Variants in FGD4 observed in about 807,000 individuals in gnomAD.
FGD4 encodes the protein FYVE, RhoGEF and PH domain-containing protein 4.
A neutral mutation model predicts 102.0 loss-of-function variants in FGD4; 42 were observed. The observed-to-expected ratio is 0.41, with a 90% CI of 0.32 to 0.53. FGD4 has a LOEUF of 0.53. FGD4 is among the 20% of genes least tolerant of loss of function. FGD4 has a pLI of 0.21. For synonymous variants in FGD4, 380 were observed against 375.7 expected (o/e 1.01, Z -0.13); for missense variants, 902 against 1,078.2 (o/e 0.84, Z 2.29).
In FGD4 at chr12:32,539,556, C is replaced by T. The variant is rs373748616; in HGVS notation, c.167-24581C>T. On this transcript the variant is annotated intron_variant, in intron 1 of 16. Transcript: ENST00000534526. ...TGCACTCCAGCCTGGGCAACAAGAG[C>T]GAAACTCTGTCTCAGGGGGGAAAAA... is the stretch of plus-strand genomic sequence containing the variant. Among the ~76,000 whole-genome samples the T allele has an allele frequency of 7.6e-5, 11 of 144,278 alleles. No homozygotes were observed. In the East Asian group the frequency reaches 9.8e-4, roughly 13 times the overall value. The allele number at this position is 144,278 out of a possible 152,430, so 94.7% of individuals were successfully genotyped here. A position where few individuals can be genotyped will look rare whatever the true frequency, so the allele number is the denominator to read the frequency against.
At chr12:32,620,520 C>CTTTTTTTTTT (rs1233071153) in intron 11 of FGD4, among the ~76,000 whole-genome samples, 6 of 91,134 alleles carry the variant, frequency 6.6e-5, no homozygotes, top group South Asian at 4.1e-4. Flanking sequence ...TTTTTTCTTT[C>CTTTTTTTTTT]TTTTTTTTTT....
intron 1 of FGD4, among the ~76,000 whole-genome samples, chr12:32,417,798 C>T (rs1941476924): frequency 6.6e-6 from 1 of 151,910 alleles, no homozygotes; most frequent in African/African-American, 2.4e-5. Flanking sequence ...TTAGTTATTT[C>T]AGTCTCTTTG....
At chr12:32,440,454 T>A (rs1374847417) in intron 1 of FGD4, among the ~76,000 whole-genome samples, 2 of 152,152 alleles carry the variant, frequency 1.3e-5, no homozygotes, top group African/African-American at 4.8e-5. Context: ...ATTATCTGGA[T>A]CACCGGGCAG....
At chr12:32,404,337 A>G (rs942887681) in intron 1 of FGD4, among the ~76,000 whole-genome samples, 3 of 151,826 alleles carry the variant, frequency 2.0e-5, no homozygotes, top group African/African-American at 7.3e-5. Flanking sequence ...GAACTTCTAG[A>G]GTACTAATTT....
intron 11 of FGD4, among the ~76,000 whole-genome samples, 174 bp downstream of exon 11, chr12:32,620,044 C>T (rs1949710616): frequency 6.6e-6 from 1 of 152,194 alleles, no homozygotes; most frequent in East Asian, 1.9e-4. Flanking sequence ...TGTCTCCCCT[C>T]TCTTGATTCC....
At chr12:32,410,531 T>A (rs924089131) in intron 1 of FGD4, among the ~76,000 whole-genome samples, 2 of 152,166 alleles carry the variant, frequency 1.3e-5, no homozygotes, top group Non-Finnish European at 2.9e-5. Context: ...GGGCATTGTC[T>A]TGAATTTGTC....
chr12:32,549,966 C>T (rs1875059), intron 1 of FGD4, among the ~76,000 whole-genome samples: 7,719 of 152,310 alleles, frequency 0.051, 219 homozygotes, highest in Middle Eastern at 0.11. Context: ...CCCCTCGGCA[C>T]GGCCTTACTT....
chr12:32,488,894 G>A (rs1002469469), intron 1 of FGD4, among the ~76,000 whole-genome samples: 5 of 152,108 alleles, frequency 3.3e-5, no homozygotes, highest in Non-Finnish European at 7.4e-5. Flanking sequence ...AGCCGAGATC[G>A]CACCATTGCA....
intron 1 of FGD4, among the ~76,000 whole-genome samples, chr12:32,422,050 A>G (rs1184631194): frequency 6.6e-6 from 1 of 151,068 alleles, no homozygotes; most frequent in Non-Finnish European, 1.5e-5. Flanking sequence ...AGGCTGAGGC[A>G]GGAGAATGGC....
chr12:32,501,999 T>C (rs919063958), intron 1 of FGD4: 1 of 979,860 alleles, frequency 1.0e-6, no homozygotes, highest in African/African-American at 1.7e-5. Context: ...GCCCTGCGCA[T>C]GTGAGTGGCT....
At chr12:32,422,447 C>T (rs558474294) in intron 1 of FGD4, among the ~76,000 whole-genome samples, 7 of 150,978 alleles carry the variant, frequency 4.6e-5, no homozygotes, top group South Asian at 2.1e-4. Context: ...TACAGGCGCC[C>T]GCCACCATGC....
intron 1 of FGD4, among the ~76,000 whole-genome samples, chr12:32,438,688 C>T (rs1942321168): frequency 6.6e-6 from 1 of 151,698 alleles, no homozygotes; most frequent in Non-Finnish European, 1.5e-5. Flanking sequence ...CAACTGCAAC[C>T]TCCACCTCCC....
In FGD4 at chr12:32,465,583, G is replaced by A. The variant is rs1043106007; in HGVS notation, c.166+65624G>A. Among the ~76,000 whole-genome samples the A allele has an allele frequency of 4.6e-5, 7 of 152,056 alleles. No homozygotes were observed. The East Asian group carries it at 5.8e-4, about 13-fold the overall frequency. ...CTCGGGAGGCTGAGGCAGGAGAATC[G>A]CTTGAACCCAGGAGGCAGAGGTTGC... is the stretch of plus-strand genomic sequence containing the variant. On this transcript the variant is annotated intron_variant, in intron 1 of 16. Transcript: ENST00000534526.
intron 1 of FGD4, among the ~76,000 whole-genome samples, chr12:32,441,174 GAAGTCCCCTT>G (rs1942425249): frequency 6.6e-6 from 1 of 152,124 alleles, no homozygotes; most frequent in Non-Finnish European, 1.5e-5. Context: ...GGTGCAAGAT[GAAGTCCCCTT>G]TACTTTTCCC....
At chr12:32,621,393 A>G (rs1949837420) in intron 11 of FGD4, among the ~76,000 whole-genome samples, 1 of 152,202 alleles carries the variant, frequency 6.6e-6, no homozygotes, top group Non-Finnish European at 1.5e-5. Context: ...AGGGTGAAGA[A>G]CCAATCCTAG....
At chr12:32,628,861 G>A (rs1017665407) in intron 14 of FGD4, among the ~76,000 whole-genome samples, 1 of 152,160 alleles carries the variant, frequency 6.6e-6, no homozygotes, top group African/African-American at 2.4e-5. Context: ...CTTTTCCTGG[G>A]ATCTGAGATA....
In FGD4 at chr12:32,414,261, C is replaced by T. The variant is rs1257479953; in HGVS notation, c.166+14302C>T. ...TGTTGGGATTATAGGCGTGTGCCACCGCACCCAGCCTACTTCTTTTTTTTT... is the reference window on the plus strand; with the variant it reads ...TGTTGGGATTATAGGCGTGTGCCACTGCACCCAGCCTACTTCTTTTTTTTT... On this transcript the variant is annotated intron_variant, in intron 1 of 16. Transcript: ENST00000534526. Among the ~76,000 whole-genome samples the T allele has an allele frequency of 5.3e-5, 8 of 152,078 alleles. No homozygotes were observed. The South Asian group carries it at 6.2e-4, about 12-fold the overall frequency.
intron 1 of FGD4, among the ~76,000 whole-genome samples, chr12:32,501,711 C>T (rs1938232169): frequency 6.6e-6 from 1 of 152,072 alleles, no homozygotes; most frequent in African/African-American, 2.4e-5. Context: ...TTAAAAAATC[C>T]TTATAAAAGC....
chr12:32,497,932 A>G (rs1937923123), intron 1 of FGD4, among the ~76,000 whole-genome samples: 1 of 152,146 alleles, frequency 6.6e-6, no homozygotes, highest in South Asian at 2.1e-4. Context: ...CGACTCAGTG[A>G]GACTCTCCTC....
Sources: allele counts gnomAD v4.1 joint callset (sites outside exome capture counted in the v4.1 genomes callset), GRCh38; gene constraint gnomAD v4.1.1; transcripts MANE v1.5; gene names NCBI Gene and HGNC (gene_info 2026-07-23, HGNC 2026-07-21).